SND1: variants seen among roughly 807,000 people sequenced by gnomAD.
SND1 encodes staphylococcal nuclease domain-containing protein 1.
Under a neutral mutation model 121.7 loss-of-function variants are expected in SND1, and 38 were observed. The observed-to-expected ratio is 0.31, with a 90% CI of 0.24 to 0.41. The LOEUF is 0.41. Ranked by LOEUF, SND1 falls within the 10% of genes least tolerant of loss-of-function variation. SND1 has a pLI of 1.00. For synonymous variants in SND1, 401 were observed against 447.4 expected, an observed-to-expected ratio of 0.90 and a Z score of 1.31; for missense variants, 868 against 1,184.6, an observed-to-expected ratio of 0.73 and a Z score of 3.92.
At chr7:127,872,495 G>A (rs1280047146) in intron 12 of SND1, among the ~76,000 whole-genome samples, 1 of 152,070 alleles carries the variant, frequency 6.6e-6, no homozygotes, top group Non-Finnish European at 1.5e-5. Context: ...ATTTCTGTTT[G>A]GCCATATACA....
intron 8 of SND1, among the ~76,000 whole-genome samples, chr7:127,705,213 C>T (rs1365528611): frequency 2.0e-5 from 3 of 152,076 alleles, no homozygotes; most frequent in Admixed American, 2.0e-4. Flanking sequence ...ATTTTTTTCC[C>T]AAGCCCCTTG....
intron 1 of SND1, among the ~76,000 whole-genome samples, chr7:127,665,405 T>C (rs1795398369): frequency 6.6e-6 from 1 of 152,138 alleles, no homozygotes; most frequent in African/African-American, 2.4e-5. Flanking sequence ...GCCAGGATAG[T>C]GTCAATCTCC....
intron 16 of SND1, among the ~76,000 whole-genome samples, chr7:128,018,831 G>C (rs1218429002): frequency 1.3e-5 from 2 of 152,204 alleles, no homozygotes; most frequent in Non-Finnish European, 2.9e-5. Context: ...ATTTAGAGTG[G>C]AGAGGACAGA....
intron 11 of SND1, among the ~76,000 whole-genome samples, chr7:127,844,041 C>G (rs959577604): frequency 1.3e-5 from 2 of 152,092 alleles, no homozygotes; most frequent in African/African-American, 4.8e-5. Context: ...CTTTAGTAAG[C>G]TGTTTGGATC....
chr7:128,009,051 C>T (rs1357321211), intron 16 of SND1, among the ~76,000 whole-genome samples: 1 of 152,124 alleles, frequency 6.6e-6, no homozygotes, highest in African/African-American at 2.4e-5. Flanking sequence ...TTTTATGGTG[C>T]AATGACAGCT....
chr7:128,086,497 A>G (rs1482414930), intron 20 of SND1: 2 of 264,098 alleles, frequency 7.6e-6, no homozygotes, highest in Non-Finnish European at 1.5e-5. Context: ...GTGAACCCAG[A>G]TGCCTGGGCC....
intron 22 of SND1, among the ~76,000 whole-genome samples, chr7:128,091,372 C>T (rs1265961633): frequency 6.6e-6 from 1 of 151,980 alleles, no homozygotes; most frequent in Non-Finnish European, 1.5e-5. Flanking sequence ...CATTCATGGG[C>T]CACCATGCCT....
At chr7:127,972,748 T>G (rs1802027288) in intron 15 of SND1, among the ~76,000 whole-genome samples, 1 of 151,976 alleles carries the variant, frequency 6.6e-6, no homozygotes, top group African/African-American at 2.4e-5. Flanking sequence ...CCTGGCTAAT[T>G]TTTGTATTTT....
chr7:127,962,725 G>C lies in SND1; in HGVS notation c.1670-28222G>C, dbSNP rs538136151. ...CTGGAGCAAGCATTGAAAACTATCC[G>C]ACTGTCTGGTTTTGTAGATGAGGAA... On this transcript the variant is annotated intron_variant, in intron 15 of 23. Transcript: ENST00000354725. 2.6e-5 allele frequency among the ~76,000 whole-genome samples: 4 copies of C among 152,282 alleles called. No homozygotes were observed. In the South Asian group the frequency reaches 8.3e-4, roughly 32 times the overall value.
chr7:128,032,469 G>A (rs918696754), intron 16 of SND1, among the ~76,000 whole-genome samples: 5 of 151,768 alleles, frequency 3.3e-5, no homozygotes, highest in African/African-American at 1.2e-4. Flanking sequence ...GTCGGAGGGA[G>A]CAGTTGGGTG....
At chr7:127,686,923 T>A (rs1795823644) in intron 2 of SND1, 161 bp downstream of exon 2, 5 of 752,508 alleles carry the variant, frequency 6.6e-6, no homozygotes. Flanking sequence ...CTTGTATCTG[T>A]TGTTTATATG....
chr7:128,024,379 A>C (rs1803428319), intron 16 of SND1, among the ~76,000 whole-genome samples: 1 of 152,140 alleles, frequency 6.6e-6, no homozygotes, highest in African/African-American at 2.4e-5. Context: ...ATATGTTTGG[A>C]TATAAATGTT....
chr7:127,991,423 C>T (rs930605147), intron 16 of SND1, among the ~76,000 whole-genome samples: 6 of 152,168 alleles, frequency 3.9e-5, no homozygotes, highest in African/African-American at 1.4e-4. Flanking sequence ...TTTCTTTGAA[C>T]ATTTATTTGT....
chr7:128,065,151 AC>A (rs1476135366), intron 16 of SND1, among the ~76,000 whole-genome samples: 1 of 152,268 alleles, frequency 6.6e-6, no homozygotes, highest in Non-Finnish European at 1.5e-5. Flanking sequence ...GAAGGTGATG[AC>A]AGAAAGAGGT....
intron 12 of SND1, among the ~76,000 whole-genome samples, chr7:127,854,272 A>C (rs1833147): frequency 2.6e-5 from 4 of 152,076 alleles, no homozygotes; most frequent in Non-Finnish European, 5.9e-5. Flanking sequence ...GGGATTACAG[A>C]TGCCCACCAC....
At chr7:127,755,673 C>T (rs1056739229) in intron 10 of SND1, among the ~76,000 whole-genome samples, 6 of 152,228 alleles carry the variant, frequency 3.9e-5, no homozygotes, top group African/African-American at 1.4e-4. Flanking sequence ...CAGCAGCCAG[C>T]TGCAAATGAT....
At chr7:127,678,197 A>T (rs1185040409) in intron 1 of SND1, among the ~76,000 whole-genome samples, 1 of 152,208 alleles carries the variant, frequency 6.6e-6, no homozygotes, top group Non-Finnish European at 1.5e-5. Context: ...GGGAAACTTC[A>T]ACCCCAATCC....
intron 16 of SND1, chr7:127,998,752 A>G (rs1370174175): frequency 6.6e-6 from 1 of 152,258 alleles, no homozygotes; most frequent in Non-Finnish European, 1.5e-5. Context: ...GTAGAAATGT[A>G]CCATGGGGGA....
At chr7:127,986,384 G>T (rs1437332545) in intron 15 of SND1, among the ~76,000 whole-genome samples, 1 of 152,152 alleles carries the variant, frequency 6.6e-6, no homozygotes, top group Non-Finnish European at 1.5e-5. Context: ...AATCTCAAAA[G>T]GGTATAACCA....
Sources: allele counts gnomAD v4.1 joint callset (sites outside exome capture counted in the v4.1 genomes callset), GRCh38; gene constraint gnomAD v4.1.1; transcripts MANE v1.5; gene names NCBI Gene and HGNC (gene_info 2026-07-23, HGNC 2026-07-21).